EXT1: variants seen among roughly 807,000 people sequenced by gnomAD.
The protein encoded by EXT1 is exostosin-1.
A neutral mutation model predicts 82.5 loss-of-function variants in EXT1; 20 were observed. That is an observed-to-expected ratio of 0.24 (90% CI 0.17 to 0.35). EXT1 has a LOEUF of 0.35. EXT1 is among the 10% of genes least tolerant of loss of function. The pLI, the probability that EXT1 is intolerant of heterozygous loss-of-function variation, is 1.00. For synonymous variants in EXT1, 348 were observed against 350.8 expected, an observed-to-expected ratio of 0.99 and a Z score of 0.09; for missense variants, 757 against 936.5, an observed-to-expected ratio of 0.81 and a Z score of 2.50.
intron 1 of EXT1, among the ~76,000 whole-genome samples, chr8:117,856,268 G>GCC (rs547775981): frequency 4.6e-5 from 6 of 129,764 alleles, no homozygotes; most frequent in African/African-American, 1.4e-4. Context: ...TTTTTTTTTT[G>GCC]TGGGGGGACG....
intron 1 of EXT1, among the ~76,000 whole-genome samples, chr8:117,842,909 G>A (rs1017248034): frequency 9.2e-5 from 14 of 152,282 alleles, no homozygotes; most frequent in African/African-American, 3.1e-4. Flanking sequence ...AAAGACGATA[G>A]GGAAGAAACA....
At chr8:117,903,726 T>A (rs919745511) in intron 1 of EXT1, among the ~76,000 whole-genome samples, 1 of 152,190 alleles carries the variant, frequency 6.6e-6, no homozygotes, top group Non-Finnish European at 1.5e-5. Context: ...TATCAAAATA[T>A]CAAATTAAAT....
chr8:117,895,005 T>C lies in EXT1; in HGVS notation c.963-57804A>G, dbSNP rs546526321. 1.3e-4 allele frequency among the ~76,000 whole-genome samples: 20 copies of C among 152,314 alleles called. No individual in the cohort carries two copies. In the East Asian group the frequency reaches 3.3e-3, roughly 25 times the overall value. On this transcript the variant is annotated intron_variant, in intron 1 of 10. Transcript: ENST00000378204. ...ATTAGATTAAGCATCAACTGGCAAATACAATGTCTATAAGCTTCTGGGTTT... is the reference window on the plus strand; with the variant it reads ...ATTAGATTAAGCATCAACTGGCAAACACAATGTCTATAAGCTTCTGGGTTT...
intron 1 of EXT1, among the ~76,000 whole-genome samples, chr8:118,101,258 G>T (rs1187478913): frequency 6.6e-6 from 1 of 152,124 alleles, no homozygotes; most frequent in African/African-American, 2.4e-5. Flanking sequence ...GAACTTTGGG[G>T]GATCAGCTAC....
At chr8:117,934,833 G>T (rs941815407) in intron 1 of EXT1, among the ~76,000 whole-genome samples, 1 of 152,120 alleles carries the variant, frequency 6.6e-6, no homozygotes, top group African/African-American at 2.4e-5. Context: ...CTTCTTCCAA[G>T]AAAATGGTAT....
chr8:117,852,125 C>T (rs1480776051), intron 1 of EXT1, among the ~76,000 whole-genome samples: 1 of 152,182 alleles, frequency 6.6e-6, no homozygotes, highest in African/African-American at 2.4e-5. Flanking sequence ...TTGAGGATTA[C>T]ACCTAATTTG....
chr8:118,094,343 C>G (rs1351144027), intron 1 of EXT1, among the ~76,000 whole-genome samples: 1 of 152,184 alleles, frequency 6.6e-6, no homozygotes, highest in African/African-American at 2.4e-5. Flanking sequence ...GAATTCTGGG[C>G]ACTTGCCAAA....
intron 1 of EXT1, among the ~76,000 whole-genome samples, chr8:118,034,558 C>T (rs980519350): frequency 2.8e-5 from 4 of 144,272 alleles, no homozygotes; most frequent in South Asian, 2.2e-4. Flanking sequence ...ACAATGCCAC[C>T]GAGATCACAC....
At chr8:118,058,699 T>C (rs965862655) in intron 1 of EXT1, among the ~76,000 whole-genome samples, 4 of 152,210 alleles carry the variant, frequency 2.6e-5, no homozygotes, top group Non-Finnish European at 5.9e-5. Context: ...TATATGTGCA[T>C]AACATGATAT....
chr8:117,890,251 TA>T (rs1308299307), intron 1 of EXT1, among the ~76,000 whole-genome samples: 1 of 152,238 alleles, frequency 6.6e-6, no homozygotes, highest in African/African-American at 2.4e-5. Context: ...AGTGATAATA[TA>T]AAGTTTGGAT....
intron 1 of EXT1, among the ~76,000 whole-genome samples, chr8:118,047,896 TAC>T (rs1816648367): frequency 2.0e-5 from 3 of 152,026 alleles, no homozygotes; most frequent in African/African-American, 7.2e-5. Context: ...AATCAATCAA[TAC>T]CTAGCATGGT....
At chr8:117,848,175 G>A (rs1812396186) in intron 1 of EXT1, among the ~76,000 whole-genome samples, 1 of 152,222 alleles carries the variant, frequency 6.6e-6, no homozygotes. Flanking sequence ...CTGGGTATGT[G>A]AATGCATAAA....
At chr8:117,814,104 A>G (rs1463665693) in intron 7 of EXT1, among the ~76,000 whole-genome samples, 1 of 151,918 alleles carries the variant, frequency 6.6e-6, no homozygotes, top group Admixed American at 6.6e-5. Context: ...GGAGAAGGAG[A>G]AGAAGAAGAA....
intron 1 of EXT1, among the ~76,000 whole-genome samples, chr8:117,946,474 G>C (rs1388323219): frequency 6.6e-6 from 1 of 152,132 alleles, no homozygotes; most frequent in Middle Eastern, 3.2e-3. Flanking sequence ...AGCACTCTCC[G>C]GGGCCTGCTC....
rs182648217 is a variant in EXT1 at position 117,980,506 on chromosome 8, A to G, written c.962+129579T>C. Reference sequence around the variant, plus strand: ...TGCTAAAATCTTCCTTACAAACTACACTAACAGCCCTTCAGTTAGTTTCCT... The same window carrying G: ...TGCTAAAATCTTCCTTACAAACTACGCTAACAGCCCTTCAGTTAGTTTCCT... On this transcript the variant is annotated intron_variant, in intron 1 of 10. Coordinates refer to ENST00000378204, the MANE Select transcript of EXT1 (RefSeq NM_000127.3). Among the ~76,000 whole-genome samples the G allele has an allele frequency of 2.0e-5, 3 of 152,188 alleles. No individual in the cohort carries two copies. In the East Asian group the frequency reaches 5.8e-4, roughly 29 times the overall value.
At chr8:117,914,487 G>C (rs971920483) in intron 1 of EXT1, among the ~76,000 whole-genome samples, 17 of 152,194 alleles carry the variant, frequency 1.1e-4, no homozygotes, top group African/African-American at 3.9e-4. Flanking sequence ...TGGGCAAAAA[G>C]AGCCATATTT....
chr8:117,888,587 C>T (rs1039807304), intron 1 of EXT1, among the ~76,000 whole-genome samples: 2 of 152,128 alleles, frequency 1.3e-5, no homozygotes, highest in African/African-American at 2.4e-5. Context: ...TTGCTGGACA[C>T]CCAGGAACCT....
intron 1 of EXT1, among the ~76,000 whole-genome samples, chr8:117,972,738 C>A (rs558146643): frequency 1.1e-4 from 16 of 152,028 alleles, no homozygotes; most frequent in Non-Finnish European, 2.1e-4. Context: ...AAAATCATGG[C>A]GGAAAGGGAA....
chr8:117,914,030 C>T (rs533795163), intron 1 of EXT1, among the ~76,000 whole-genome samples: 44 of 152,244 alleles, frequency 2.9e-4, no homozygotes, highest in African/African-American at 1.0e-3. Flanking sequence ...GTCAGCATAT[C>T]CTACTTAACT....
Sources: gnomAD v4.1 joint callset for allele counts (sites outside exome capture counted in the v4.1 genomes callset) on GRCh38, gnomAD v4.1.1 for gene constraint, MANE v1.5 for transcripts, NCBI Gene and HGNC (gene_info 2026-07-23, HGNC 2026-07-21) for gene names.